ERC2: variants seen among roughly 807,000 people sequenced by gnomAD.
The protein encoded by ERC2 is ELKS/RAB6-interacting/CAST family member 2, also known as ERC protein 2.
Under a neutral mutation model 114.8 loss-of-function variants are expected in ERC2, and 42 were observed. The observed-to-expected ratio is 0.37, with a 90% CI of 0.29 to 0.47. ERC2 has a LOEUF of 0.47. Ranked by LOEUF, ERC2 falls within the 20% of genes least tolerant of loss-of-function variation. The pLI is 0.99. For missense variants in ERC2, 939 were observed against 1,150.7 expected (o/e 0.82, Z 2.66); for synonymous variants, 454 against 425.5 (o/e 1.07, Z -0.82).
At chr3:55,982,668 G>A (rs915560195) in intron 12 of ERC2, among the ~76,000 whole-genome samples, 1 of 152,096 alleles carries the variant, frequency 6.6e-6, no homozygotes, top group Admixed American at 6.5e-5. Context: ...TGGAAATGCT[G>A]GGCCAGCACA....
At chr3:56,211,108 T>C (rs1047631897) in intron 3 of ERC2, among the ~76,000 whole-genome samples, 2 of 152,016 alleles carry the variant, frequency 1.3e-5, no homozygotes, top group Non-Finnish European at 2.9e-5. Flanking sequence ...AGAGCAATCA[T>C]ACAAGAGAAA....
At chr3:55,795,584 C>T (rs2070408162) in intron 14 of ERC2, among the ~76,000 whole-genome samples, 1 of 152,200 alleles carries the variant, frequency 6.6e-6, no homozygotes, top group Non-Finnish European at 1.5e-5. Flanking sequence ...CACCTCTCCA[C>T]CCGCTGCCTT....
chr3:55,987,468 C>T (rs2070726430), intron 11 of ERC2, among the ~76,000 whole-genome samples: 1 of 152,190 alleles, frequency 6.6e-6, no homozygotes, highest in South Asian at 2.1e-4. Context: ...GGCATATAGC[C>T]ATCTGCCACT....
At chr3:56,280,769 G>T (rs112864390) in intron 3 of ERC2, among the ~76,000 whole-genome samples, 1,995 of 152,288 alleles carry the variant, frequency 0.013, 38 homozygotes, top group African/African-American at 0.044. Context: ...TATGCTATGA[G>T]GAGTGACTAT....
chr3:56,255,337 C>G (rs1411121033), intron 3 of ERC2, among the ~76,000 whole-genome samples: 2 of 152,220 alleles, frequency 1.3e-5, no homozygotes, highest in Non-Finnish European at 2.9e-5. Flanking sequence ...ACTCTTGAGT[C>G]CTTCTCATCC....
chr3:56,350,582 T>G (rs1026520651), intron 2 of ERC2, among the ~76,000 whole-genome samples: 2 of 152,060 alleles, frequency 1.3e-5, no homozygotes, highest in Admixed American at 1.3e-4. Context: ...AGTGAAATGC[T>G]CATGGTAGAG....
At chr3:55,674,124 G>A (rs1261129522) in intron 17 of ERC2, among the ~76,000 whole-genome samples, 3 of 152,144 alleles carry the variant, frequency 2.0e-5, no homozygotes, top group Non-Finnish European at 4.4e-5. Flanking sequence ...ACTGCCCGAT[G>A]CAGAGCATAT....
intron 17 of ERC2, among the ~76,000 whole-genome samples, chr3:55,667,913 T>C (rs2148726018): frequency 6.6e-6 from 1 of 152,326 alleles, no homozygotes; most frequent in East Asian, 1.9e-4. Context: ...AATCTAGGGC[T>C]GGATACTTCT....
chr3:55,974,681 A>T (rs1401951778), intron 12 of ERC2, among the ~76,000 whole-genome samples: 1 of 152,152 alleles, frequency 6.6e-6, no homozygotes, highest in Non-Finnish European at 1.5e-5. Flanking sequence ...CTTGAAGCGC[A>T]TCCAGAGCTG....
At chr3:56,416,848 T>G (rs2061182736) in intron 2 of ERC2, among the ~76,000 whole-genome samples, 1 of 152,268 alleles carries the variant, frequency 6.6e-6, no homozygotes, top group South Asian at 2.1e-4. Flanking sequence ...CCATGTTTAT[T>G]GACTTAATCC....
intron 9 of ERC2, among the ~76,000 whole-genome samples, chr3:56,008,238 T>G (rs1486503423): frequency 6.6e-6 from 1 of 152,138 alleles, no homozygotes; most frequent in East Asian, 1.9e-4. Context: ...TAATTTACAC[T>G]GGGTTGCTTC....
chr3:56,067,456 G>A lies in ERC2; in HGVS notation c.1641+13361C>T, dbSNP rs556231554. Reference sequence around the variant, plus strand: ...CCTTAAGGAGCTTTTGAGCTGAGACGATGGGGTTTTCTAGATATAGGATCA... The same window carrying A: ...CCTTAAGGAGCTTTTGAGCTGAGACAATGGGGTTTTCTAGATATAGGATCA... On this transcript the variant is annotated intron_variant, in intron 7 of 17. Transcript: ENST00000288221. Among the ~76,000 whole-genome samples, 38 of 152,220 alleles carry A rather than the reference G, an allele frequency of 2.5e-4. No individual in the cohort carries two copies. The South Asian group carries it at 4.8e-3, about 19-fold the overall frequency.
chr3:56,138,051 CTTTTTTTTTTTTT>C (rs920983143), intron 6 of ERC2, among the ~76,000 whole-genome samples: 5 of 92,672 alleles, frequency 5.4e-5, no homozygotes, highest in South Asian at 3.6e-4. Flanking sequence ...AATGGTATTT[CTTTTTTTTTTTTT>C]TTTTTTTTTT....
chr3:56,375,878 G>A (rs1272584254), intron 2 of ERC2, among the ~76,000 whole-genome samples: 1 of 152,160 alleles, frequency 6.6e-6, no homozygotes, highest in African/African-American at 2.4e-5. Flanking sequence ...TCACTCTGAG[G>A]GAAGTCAGCT....
intron 16 of ERC2, 101 bp downstream of exon 16, chr3:55,699,277 A>G: frequency 6.9e-7 from 1 of 1,440,730 alleles, no homozygotes; most frequent in African/African-American, 1.4e-5. Context: ...CAAAGAACGT[A>G]TCACTTTATG....
chr3:56,263,264 T>C (rs1422342164), intron 3 of ERC2, among the ~76,000 whole-genome samples: 1 of 148,942 alleles, frequency 6.7e-6, no homozygotes, highest in East Asian at 2.0e-4. Context: ...ACTTCCCCCA[T>C]GAAGAGCAAC....
intron 17 of ERC2, among the ~76,000 whole-genome samples, chr3:55,664,698 T>C (rs2061285808): frequency 6.6e-6 from 1 of 152,232 alleles, no homozygotes; most frequent in Admixed American, 6.5e-5. Context: ...ATTCTGTTAC[T>C]GCCTACATAC....
At chr3:56,467,694 G>A (rs750947944) in intron 1 of ERC2, among the ~76,000 whole-genome samples, 6 of 151,650 alleles carry the variant, frequency 4.0e-5, no homozygotes, top group Non-Finnish European at 7.4e-5. Context: ...AGCCCTCCCC[G>A]ATAAATCGGC....
At chr3:55,849,501 C>T (rs1178191090) in intron 14 of ERC2, among the ~76,000 whole-genome samples, 2 of 152,084 alleles carry the variant, frequency 1.3e-5, no homozygotes, top group African/African-American at 2.4e-5. Flanking sequence ...AAGATTTTTT[C>T]CCAGAGCTCA....
Sources: allele counts gnomAD v4.1 joint callset (sites outside exome capture counted in the v4.1 genomes callset), GRCh38; gene constraint gnomAD v4.1.1; transcripts MANE v1.5; gene names NCBI Gene and HGNC (gene_info 2026-07-23, HGNC 2026-07-21).